The following SHQ1 variants were observed in gnomAD, a reference collection of about 807,000 sequenced individuals.
SHQ1 encodes SHQ1, H/ACA ribonucleoprotein assembly factor.
SHQ1 carries 49 observed loss-of-function variants against 53.8 expected under a neutral mutation model. That is an observed-to-expected ratio of 0.91 (90% CI 0.72 to 1.16). The LOEUF is 1.16. Ranked by LOEUF, SHQ1 falls within the 50% of genes most tolerant of loss-of-function variation. The pLI, the probability that SHQ1 is intolerant of heterozygous loss-of-function variation, is 0.00. For missense variants in SHQ1, 738 were observed against 683.1 expected (o/e 1.08, Z -0.90); for synonymous variants, 243 against 251.0 (o/e 0.97, Z 0.30).
chr3:72,734,063 A>C, the SHQ1 span, among the ~76,000 whole-genome samples: 1 of 150,978 alleles, frequency 6.6e-6, no homozygotes, highest in Non-Finnish European at 1.5e-5. Flanking sequence ...CAGAAGGCTG[A>C]GGTGGGAGGA....
intron 10 of SHQ1, chr3:72,753,592 C>T (rs765313929): frequency 1.3e-4 from 131 of 985,208 alleles, no homozygotes; most frequent in Non-Finnish European, 1.5e-4. Context: ...CAGTCACCAT[C>T]GTTGATGGGT....
At chr3:72,740,653 C>A in the SHQ1 span, among the ~76,000 whole-genome samples, 4 of 152,116 alleles carry the variant, frequency 2.6e-5, no homozygotes, top group Non-Finnish European at 4.4e-5. Flanking sequence ...AATGCTCAGG[C>A]GTTATGGAGC....
downstream of SHQ1, among the ~76,000 whole-genome samples, chr3:72,748,046 G>T (rs1705286665): frequency 6.6e-6 from 1 of 151,402 alleles, no homozygotes; most frequent in Non-Finnish European, 1.5e-5. Flanking sequence ...CGCACACTGG[G>T]AACAGTGTGA....
intron 10 of SHQ1, among the ~76,000 whole-genome samples, chr3:72,754,766 T>C (rs1364190621): frequency 6.6e-6 from 1 of 152,190 alleles, no homozygotes; most frequent in East Asian, 1.9e-4. Flanking sequence ...AGTTCTGACT[T>C]GCACAAAGCC....
Position 72,750,056 on chromosome 3 carries a change from T to C in SHQ1, c.*228A>G, listed in dbSNP as rs1039834691. On this transcript the variant is annotated 3_prime_UTR_variant, in exon 11 of 11. Coordinates refer to ENST00000325599, the MANE Select transcript of SHQ1 (RefSeq NM_018130.3). Reference sequence around the variant, plus strand: ...TGGAAATAGTTGTCATACTGTATTATTTAGAGAATAATAACAAGAAAAAAG... The same window carrying C: ...TGGAAATAGTTGTCATACTGTATTACTTAGAGAATAATAACAAGAAAAAAG... 1 of 529,820 alleles carries C rather than the reference T, an allele frequency of 1.9e-6. No individual in the cohort carries two copies. The highest frequency in any genetic ancestry group is 1.9e-5 in the African/African-American group (1 of 52,314). The allele number at this position is 529,820 out of a possible 1,614,324, so 32.8% of individuals were successfully genotyped here.
intron 4 of SHQ1, among the ~76,000 whole-genome samples, chr3:72,838,852 C>A (rs937288451): frequency 1.3e-5 from 2 of 151,214 alleles, no homozygotes; most frequent in African/African-American, 4.9e-5. Flanking sequence ...AGACAGGAGT[C>A]AACTATATTG....
At chr3:72,824,701 T>C in intron 5 of SHQ1, 150 bp from the exon 6 acceptor site, 1 of 946,844 alleles carries the variant, frequency 1.1e-6, no homozygotes, top group Non-Finnish European at 1.5e-6. Context: ...TTTACTTTCT[T>C]TGTAGTTACT....
intron 9 of SHQ1, among the ~76,000 whole-genome samples, chr3:72,808,434 G>A (rs1430383702): frequency 6.6e-6 from 1 of 152,124 alleles, no homozygotes; most frequent in Non-Finnish European, 1.5e-5. Flanking sequence ...AAGTTACACA[G>A]ATCTGGAGTC....
chr3:72,847,031 A>T (rs1453628847), intron 1 of SHQ1, among the ~76,000 whole-genome samples: 1 of 152,110 alleles, frequency 6.6e-6, no homozygotes, highest in Non-Finnish European at 1.5e-5. Flanking sequence ...CTTTCTCCTC[A>T]TAGCACTCAC....
intron 4 of SHQ1, among the ~76,000 whole-genome samples, chr3:72,833,455 TAGATA>T (rs1707887231): frequency 1.4e-4 from 4 of 27,804 alleles, no homozygotes; most frequent in African/African-American, 6.9e-4. Flanking sequence ...GATAGATAGA[TAGATA>T]GATAGATAGA....
At chr3:72,753,350 G>A (rs761140399) in intron 10 of SHQ1, 90 of 985,314 alleles carry the variant, frequency 9.1e-5, no homozygotes, top group Non-Finnish European at 1.1e-4. Context: ...TTTCAGTGGA[G>A]CTGATGGTAC....
chr3:72,793,558 C>G (rs998598779), intron 9 of SHQ1: 1 of 148,386 alleles, frequency 6.7e-6, no homozygotes, highest in African/African-American at 2.5e-5. Context: ...TCTGTTGTTA[C>G]AGCTGACTAG....
intron 9 of SHQ1, among the ~76,000 whole-genome samples, chr3:72,803,816 A>T (rs1706861624): frequency 6.6e-6 from 1 of 152,196 alleles, no homozygotes; most frequent in Non-Finnish European, 1.5e-5. Flanking sequence ...CAAGTAACAA[A>T]ATATTATTTT....
At position 72,750,367 on chromosome 3, in the gene SHQ1, G is replaced by C; in HGVS notation, c.1651C>G (p.Gln551Glu). The C allele has an allele frequency of 1.9e-6, 3 of 1,614,154 alleles. No individual in the cohort carries two copies. Among genetic ancestry groups the C allele is most frequent in the Non-Finnish European group, 2.5e-6 (3 of 1,180,028 alleles). ...ELGEQLKTTVQVSEPKGTTAV... is the reference protein window; with the variant it reads ...ELGEQLKTTVEVSEPKGTTAV... ...GTGGTGCCCTTGGGTTCAGAAACCT[G>C]AACTGTAGTCTTCAGTTGTTCCCCA... Residue 551 changes from glutamine (Q) to glutamate (E), a missense_variant, in exon 11 of 11, where the codon CAG becomes GAG. By Grantham distance (29) the Gln-to-Glu change is conservative. Coordinates refer to ENST00000325599, the MANE Select transcript of SHQ1 (RefSeq NM_018130.3).
intron 10 of SHQ1, among the ~76,000 whole-genome samples, chr3:72,761,346 A>T (rs377286152): frequency 3.3e-5 from 5 of 151,916 alleles, no homozygotes; most frequent in South Asian, 2.1e-4. Flanking sequence ...TAATTTATAA[A>T]TTTTTTGTAG....
chr3:72,846,576 G>A (rs1032527451), intron 1 of SHQ1, among the ~76,000 whole-genome samples: 1 of 152,126 alleles, frequency 6.6e-6, no homozygotes, highest in South Asian at 2.1e-4. Flanking sequence ...GGGATTACAG[G>A]AGTGAGCCAC....
chr3:72,822,153 A>T (rs1047595267), intron 6 of SHQ1, among the ~76,000 whole-genome samples: 1 of 152,218 alleles, frequency 6.6e-6, no homozygotes, highest in Non-Finnish European at 1.5e-5. Flanking sequence ...GTGGAACAAG[A>T]AGTCCAACCC....
intron 4 of SHQ1, among the ~76,000 whole-genome samples, chr3:72,837,529 CA>C (rs936479531): frequency 1.1e-4 from 16 of 152,118 alleles, no homozygotes; most frequent in East Asian, 3.9e-4. Flanking sequence ...TTTTCATCTA[CA>C]GGGGGAGGAA....
chr3:72,847,724 G>A (rs1479061865), intron 1 of SHQ1, among the ~76,000 whole-genome samples: 1 of 152,232 alleles, frequency 6.6e-6, no homozygotes, highest in South Asian at 2.1e-4. Context: ...AAGAATTTCG[G>A]TAAGTAGGGA....
Sources: allele counts gnomAD v4.1 joint callset (sites outside exome capture counted in the v4.1 genomes callset), GRCh38; gene constraint gnomAD v4.1.1; transcripts MANE v1.5; gene names NCBI Gene and HGNC (gene_info 2026-07-23, HGNC 2026-07-21).